Variants in SLC22A2 observed in about 807,000 individuals in gnomAD.
SLC22A2 encodes the protein organic cation transporter 2.
A neutral mutation model predicts 60.5 loss-of-function variants in SLC22A2; 46 were observed. That is an observed-to-expected ratio of 0.76 (90% CI 0.60 to 0.97). SLC22A2 has a LOEUF of 0.97. SLC22A2 is among the 50% of genes least tolerant of loss of function. SLC22A2 has a pLI of 0.00. For missense variants in SLC22A2, 701 were observed against 706.6 expected, an observed-to-expected ratio of 0.99 and a Z score of 0.09; for synonymous variants, 303 against 267.0, an observed-to-expected ratio of 1.13 and a Z score of -1.31.
intron 9 of SLC22A2, among the ~76,000 whole-genome samples, chr6:160,231,479 G>A (rs560532477): frequency 5.3e-5 from 8 of 151,790 alleles, no homozygotes; most frequent in Admixed American, 6.5e-5. Context: ...CCTACTCAGC[G>A]CCAATATCTC....
At chr6:160,237,835 G>A (rs1400782251) in intron 9 of SLC22A2, among the ~76,000 whole-genome samples, 1 of 152,166 alleles carries the variant, frequency 6.6e-6, no homozygotes, top group Non-Finnish European at 1.5e-5. Context: ...CAAACAGGCT[G>A]CAATAAAGAA....
chr6:160,223,532 T>G (rs1285101715), intron 10 of SLC22A2, among the ~76,000 whole-genome samples: 1 of 152,222 alleles, frequency 6.6e-6, no homozygotes, highest in African/African-American at 2.4e-5. Context: ...TTTTAATGGC[T>G]GTATAATTTT....
chr6:160,218,478 TAAC>T (rs1299482772), intron 10 of SLC22A2, among the ~76,000 whole-genome samples: 1 of 17,032 alleles, frequency 5.9e-5, no homozygotes, highest in Non-Finnish European at 1.2e-4. Context: ...ACAGCAGCAG[TAAC>T]AACAACAAAA....
chr6:160,221,354 G>A (rs1782641944), intron 10 of SLC22A2, among the ~76,000 whole-genome samples: 1 of 152,190 alleles, frequency 6.6e-6, no homozygotes. Flanking sequence ...TCTGGGTTAG[G>A]CTTTGGCTTA....
At chr6:160,256,561 G>T in intron 2 of SLC22A2, 53 bp downstream of exon 2, 1 of 1,282,562 alleles carries the variant, frequency 7.8e-7, no homozygotes, top group East Asian at 2.3e-5. Context: ...GCATCCAAGT[G>T]TTCTCCAAAC....
At chr6:160,242,254 G>T in intron 8 of SLC22A2, 40 bp downstream of exon 8, 1 of 1,072,798 alleles carries the variant, frequency 9.3e-7, no homozygotes, top group South Asian at 1.2e-5. Context: ...ATGAACAAAT[G>T]TCTCACCCAC....
At chr6:160,238,823 G>A (rs1033654269) in intron 9 of SLC22A2, among the ~76,000 whole-genome samples, 5 of 152,148 alleles carry the variant, frequency 3.3e-5, no homozygotes, top group African/African-American at 1.2e-4. Context: ...AAGGTGTCAG[G>A]CAGGAACAAG....
In SLC22A2 at chr6:160,241,538, G is replaced by A; in HGVS notation, c.1437C>T (p.Ile479=). The A allele has an allele frequency of 6.2e-7, 1 of 1,613,674 alleles. No homozygotes were observed. The highest frequency in any genetic ancestry group is 8.5e-7 in the Non-Finnish European group (1 of 1,179,662). ...ICSSMCDIGG[I]ITPFLVYRLT... ...GCCGGTAGACCAGGAATGGCGTGAT[G>A]ATGCCACCAATGTCACACATTGAGG... The change falls in exon 9 of 11, where the codon ATC becomes ATT. Residue 479 remains isoleucine, a synonymous_variant. Coordinates refer to ENST00000366953, the MANE Select transcript of SLC22A2 (RefSeq NM_003058.4).
rs1247944114 is a variant in SLC22A2 at position 160,258,641 on chromosome 6, G to A, written c.117C>T (p.Gly39=). Residue 39 remains glycine (G), a synonymous_variant, in exon 1 of 11, where the codon GGC becomes GGT. Coordinates refer to ENST00000366953, the MANE Select transcript of SLC22A2 (RefSeq NM_003058.4). ...LSATFAPIYV[G]IVFLGFTPDH... The stretch of plus-strand genomic sequence containing the variant: ...CAGGGGTGAAGCCCAGGAAGACGAT[G>A]CCCACGTAGATGGGCGCGAAGGTAG... The A allele has an allele frequency of 6.2e-7, 1 of 1,613,900 alleles. No homozygotes were observed. Among genetic ancestry groups the A allele is most frequent in the Admixed American group, 1.7e-5 (1 of 60,014 alleles).
rs1783278406 is a variant in SLC22A2 at position 160,256,713 on chromosome 6, T to C, written c.419A>G (p.Asn140Ser). ...TPGSSIVTEF[N>S]LVCANSWMLD... is the part of the protein sequence containing the mutation. ...CATCCAGGAGTTGGCACATACCAGG[T>C]TAAACTGCCAGCAGGGGAGAAGTGT... Residue 140 changes from asparagine (N) to serine (S), a missense_variant, in exon 2 of 11, where the codon AAC (asparagine) becomes AGC (serine). Transcript: ENST00000366953. 6.2e-7 allele frequency: 1 copy of C among 1,610,134 alleles called. No individual in the cohort carries two copies. Among genetic ancestry groups the C allele is most frequent in the Non-Finnish European group, 8.5e-7 (1 of 1,176,394 alleles).
chr6:160,254,178 T>G (rs569760382), intron 2 of SLC22A2, among the ~76,000 whole-genome samples: 145 of 152,270 alleles, frequency 9.5e-4, no homozygotes, highest in African/African-American at 3.3e-3. Flanking sequence ...CTCAGGAGGC[T>G]GAGGCAGGAG....
intron 10 of SLC22A2, among the ~76,000 whole-genome samples, chr6:160,222,888 T>G (rs1172199529): frequency 6.6e-6 from 1 of 152,206 alleles, no homozygotes; most frequent in Non-Finnish European, 1.5e-5. Context: ...CCAGTTTATG[T>G]GGAATTTCCC....
chr6:160,235,668 A>C (rs1174379603), intron 9 of SLC22A2, among the ~76,000 whole-genome samples: 1 of 151,326 alleles, frequency 6.6e-6, no homozygotes, highest in African/African-American at 2.4e-5. Context: ...CATTAGGATA[A>C]AAGCACAATA....
At chr6:160,258,322 A>T (rs1400551388) in intron 1 of SLC22A2, 22 bp downstream of exon 1, 1 of 1,569,286 alleles carries the variant, frequency 6.4e-7, no homozygotes, top group South Asian at 1.2e-5. Context: ...TCTCCATCTG[A>T]GCCCTGAGCT....
At chr6:160,224,857 A>T in intron 9 of SLC22A2, 53 bp from the exon 10 acceptor site, 1 of 1,038,922 alleles carries the variant, frequency 9.6e-7, no homozygotes. Context: ...CTCAAGGTCT[A>T]TAATTAGAGT....
At chr6:160,236,393 G>C (rs1052341271) in intron 9 of SLC22A2, among the ~76,000 whole-genome samples, 5 of 152,070 alleles carry the variant, frequency 3.3e-5, no homozygotes, top group African/African-American at 9.7e-5. Flanking sequence ...CTTTTCTTTT[G>C]AGCTATTAGT....
Position 160,216,993 on chromosome 6 carries a change from G to A in SLC22A2, c.*439C>T, listed in dbSNP as rs1782549110. 1 of 151,832 alleles carries A rather than the reference G, an allele frequency of 6.6e-6. No individual in the cohort carries two copies. Among genetic ancestry groups the A allele is most frequent in the African/African-American group, 2.5e-5 (1 of 40,546 alleles). The allele number at this position is 151,832 out of a possible 1,614,324, so 9.4% of individuals were successfully genotyped here. On this transcript the variant is annotated 3_prime_UTR_variant, in exon 11 of 11. Coordinates refer to ENST00000366953, the MANE Select transcript of SLC22A2 (RefSeq NM_003058.4). ...TCTAAAATTCTTGACATACATTCTG[G>A]ACAACTTTATATTGTTTTGGGTGTT...
chr6:160,254,746 TG>T (rs3839343), intron 2 of SLC22A2, among the ~76,000 whole-genome samples: 6,348 of 152,188 alleles, frequency 0.042, 223 homozygotes, highest in East Asian at 0.12. Flanking sequence ...GGAAGAATAA[TG>T]AGTACTTACC....
intron 9 of SLC22A2, among the ~76,000 whole-genome samples, chr6:160,229,430 T>C (rs963208112): frequency 5.3e-5 from 8 of 151,942 alleles, no homozygotes; most frequent in Non-Finnish European, 8.8e-5. Context: ...TTACCCACAT[T>C]TCATTGGTGT....
Sources: allele counts gnomAD v4.1 joint callset (sites outside exome capture counted in the v4.1 genomes callset), GRCh38; gene constraint gnomAD v4.1.1; transcripts MANE v1.5; gene names NCBI Gene and HGNC (gene_info 2026-07-23, HGNC 2026-07-21).